The following LZIC variants were observed in gnomAD, a reference collection of about 807,000 sequenced individuals.
The protein encoded by LZIC is protein LZIC.
A neutral mutation model predicts 25.4 loss-of-function variants in LZIC; 28 were observed. That is an observed-to-expected ratio of 1.10 (90% CI 0.82 to 1.51). LZIC has a LOEUF of 1.51. LZIC is among the 40% of genes most tolerant of loss of function. The pLI, the probability that LZIC is intolerant of heterozygous loss-of-function variation, is 0.00. For synonymous variants in LZIC, 65 were observed against 70.7 expected (o/e 0.92, Z 0.40); for missense variants, 170 against 211.1 (o/e 0.81, Z 1.21).
downstream of LZIC, among the ~76,000 whole-genome samples, chr1:9,924,353 A>AT (rs34155447): frequency 0.62 from 93,413 of 151,650 alleles, 32,317 homozygotes; most frequent in Non-Finnish European, 0.78. Flanking sequence ...ATTTTATTTT[A>AT]TTTATTTATT....
At chr1:9,934,185 G>A (rs3849282) in intron 5 of LZIC, among the ~76,000 whole-genome samples, 7,535 of 149,208 alleles carry the variant, frequency 0.051, 248 homozygotes, top group South Asian at 0.12. Context: ...CCGAGATTGC[G>A]CCACTGCCCT....
rs1054676903 is a variant in LZIC, at chr1:9,926,738, C to T, written c.*3661G>A. Among the ~76,000 whole-genome samples, 5 of 152,150 alleles carry T rather than the reference C, an allele frequency of 3.3e-5. No homozygotes were observed. Among genetic ancestry groups the T allele is most frequent in the Admixed American group, 1.3e-4 (2 of 15,258 alleles). On this transcript the variant is annotated 3_prime_UTR_variant, in exon 8 of 8. Coordinates refer to ENST00000377223, the MANE Select transcript of LZIC (RefSeq NM_032368.5). ...AGAATTCCTTTCACCAAAATATTAG[C>T]CTGACACAAGAATGTTGAAAGGTTA...
At chr1:9,924,352 T>A (rs530296866), downstream of LZIC, among the ~76,000 whole-genome samples, 184 of 84,330 alleles carry the variant, frequency 2.2e-3, no homozygotes, top group Admixed American at 5.6e-3. Flanking sequence ...TATTTTATTT[T>A]ATTTATTTAT....
Position 9,929,804 on chromosome 1 carries a change from G to C in LZIC, c.*595C>G. On this transcript the variant is annotated 3_prime_UTR_variant, in exon 8 of 8. Transcript: ENST00000377223. ...TAGTGTTAATTATTTTTTTTAAATG[G>C]TACAGAAATAAAATTCAAAAGATAC... 2 of 984,372 alleles carry C rather than the reference G, an allele frequency of 2.0e-6. No individual in the cohort carries two copies. The highest frequency in any genetic ancestry group is 2.4e-6 in the Non-Finnish European group (2 of 829,080). 61.0% of individuals were successfully genotyped at this position (984,372 alleles called of 1,614,324 possible).
At chr1:9,939,487 T>A (rs867756818) in intron 2 of LZIC, among the ~76,000 whole-genome samples, 1 of 148,742 alleles carries the variant, frequency 6.7e-6, no homozygotes, top group Non-Finnish European at 1.5e-5. Context: ...CTCAAGTGAT[T>A]CTCCTGCCTC....
downstream of LZIC, among the ~76,000 whole-genome samples, chr1:9,923,426 T>A (rs1043257370): frequency 6.6e-5 from 10 of 151,656 alleles, no homozygotes; most frequent in Non-Finnish European, 1.3e-4. Flanking sequence ...GCCAGGCTGA[T>A]CTCGAACTCC....
chr1:9,924,950 G>A (rs1639945824), downstream of LZIC, among the ~76,000 whole-genome samples: 1 of 152,168 alleles, frequency 6.6e-6, no homozygotes, highest in East Asian at 1.9e-4. Context: ...TGCAGGGGGG[G>A]CTTCAAAATT....
chr1:9,932,189 C>CA (rs1415066787), intron 6 of LZIC: 1 of 420,378 alleles, frequency 2.4e-6, no homozygotes, highest in African/African-American at 2.2e-5. Flanking sequence ...ATTAAAAATA[C>CA]AAAAAATCAG....
chr1:9,932,393 C>A (rs948996417), intron 6 of LZIC, among the ~76,000 whole-genome samples: 1 of 149,106 alleles, frequency 6.7e-6, no homozygotes. Flanking sequence ...CGGTGGCTCA[C>A]ACCTGCAATC....
At position 9,928,400 on chromosome 1, in the gene LZIC, TCAAA is replaced by T. The variant is rs1404419050; in HGVS notation, c.*1995_*1998del. 1.3e-5 allele frequency among the ~76,000 whole-genome samples: 2 copies of T among 152,072 alleles called. No homozygotes were observed. Among genetic ancestry groups the T allele is most frequent in the African/African-American group, 2.4e-5 (1 of 41,404 alleles). The stretch of plus-strand genomic sequence containing the variant: ...ACCCAAAAAAATTGAAAACAGGTAT[TCAAA>T]CAAATATTTGTACACAAATGTTCAC... On this transcript the variant is annotated 3_prime_UTR_variant, in exon 8 of 8. Coordinates refer to ENST00000377223, the MANE Select transcript of LZIC (RefSeq NM_032368.5).
intron 2 of LZIC, among the ~76,000 whole-genome samples, chr1:9,942,247 C>T (rs2101619179): frequency 6.6e-6 from 1 of 152,300 alleles, no homozygotes; most frequent in Admixed American, 6.5e-5. Flanking sequence ...GCACTTATTT[C>T]TGCCTTTAAT....
rs1640816888 is a variant in LZIC, at chr1:9,942,709, A to G, written c.-94T>C. 1.6e-6 allele frequency: 2 copies of G among 1,288,964 alleles called. No individual in the cohort carries two copies. The highest frequency in any genetic ancestry group is 3.0e-5 in the African/African-American group (2 of 65,868). The allele number at this position is 1,288,964 out of a possible 1,614,324, so 79.8% of individuals were successfully genotyped here. A position where few individuals can be genotyped will look rare whatever the true frequency, so the allele number is the denominator to read the frequency against. On this transcript the variant is annotated 5_prime_UTR_variant, in exon 2 of 8. Transcript: ENST00000377223. The stretch of plus-strand genomic sequence containing the variant: ...CAGTTCTTGACGTTCCGAGTGTCAT[A>G]AACTTGAGGAAAATGAAATTATTCA...
rs1640154722 is a variant in LZIC, at chr1:9,930,338, CCAGAAGAAAGACACCATTTACATTAAGAA to C, written c.*32_*60del. 7.6e-6 allele frequency: 12 copies of C among 1,589,062 alleles called. No individual in the cohort carries two copies. The African/African-American group carries it at 1.6e-4, about 22-fold the overall frequency. ...CATTTCTTTGCAATAACTGAAAACC[CCAGAAGAAAGACACCATTTACATTAAGAA>C]TGTGATCAATGTTACAAGCTTCTGC... On this transcript the variant is annotated 3_prime_UTR_variant, in exon 8 of 8. Coordinates refer to ENST00000377223, the MANE Select transcript of LZIC (RefSeq NM_032368.5).
downstream of LZIC, among the ~76,000 whole-genome samples, chr1:9,925,989 G>C (rs1180197517): frequency 6.9e-6 from 1 of 145,214 alleles, no homozygotes; most frequent in Non-Finnish European, 1.5e-5. Flanking sequence ...CGCCTCCCGG[G>C]TTCACGCCAT....
intron 7 of LZIC, among the ~76,000 whole-genome samples, chr1:9,930,789 G>A (rs1429915269): frequency 6.6e-6 from 1 of 151,854 alleles, no homozygotes; most frequent in Non-Finnish European, 1.5e-5. Flanking sequence ...GTGCGATCTC[G>A]GCTCACTGCA....
At chr1:9,925,771 G>A (rs1557429138), downstream of LZIC, among the ~76,000 whole-genome samples, 2 of 150,204 alleles carry the variant, frequency 1.3e-5, no homozygotes, top group African/African-American at 4.9e-5. Flanking sequence ...TGTATCTTTA[G>A]TAGAGACAGG....
At chr1:9,922,453 T>C (rs1639887674), downstream of LZIC, 1 of 365,646 alleles carries the variant, frequency 2.7e-6, no homozygotes. Flanking sequence ...AGATTGACTT[T>C]AATGAGTAGC....
chr1:9,933,254 C>CAA (rs60791463), intron 5 of LZIC, among the ~76,000 whole-genome samples: 39 of 43,390 alleles, frequency 9.0e-4, no homozygotes, highest in African/African-American at 1.1e-3. Context: ...GACTCCACCA[C>CAA]AAAAAAAAAA....
At chr1:9,931,831 T>G in intron 7 of LZIC, 60 bp downstream of exon 7, 1 of 1,088,566 alleles carries the variant, frequency 9.2e-7, no homozygotes, top group Non-Finnish European at 1.4e-6. Context: ...TCTCCATCAG[T>G]TTGTATGTAA....
Sources: allele counts gnomAD v4.1 joint callset (sites outside exome capture counted in the v4.1 genomes callset), GRCh38; gene constraint gnomAD v4.1.1; transcripts MANE v1.5; gene names NCBI Gene and HGNC (gene_info 2026-07-23, HGNC 2026-07-21).